The following DAB1 variants were observed in gnomAD, a reference collection of about 807,000 sequenced individuals.
The protein encoded by DAB1 is disabled homolog 1.
In DAB1, 15 loss-of-function variants were observed where a neutral mutation model predicts 64.6. The ratio of observed to expected loss-of-function variants is 0.23; its 90% confidence interval spans 0.16 to 0.36. The LOEUF (loss-of-function observed/expected upper bound fraction) is 0.36. Ranked by LOEUF, DAB1 falls within the 10% of genes least tolerant of loss-of-function variation. DAB1 has a pLI of 1.00. For missense variants in DAB1, 596 were observed against 706.7 expected, an observed-to-expected ratio of 0.84 and a Z score of 1.78; for synonymous variants, 235 against 251.9, an observed-to-expected ratio of 0.93 and a Z score of 0.64.
chr1:57,593,761 T>C (rs1286509345), intron 7 of DAB1, among the ~76,000 whole-genome samples: 1 of 152,224 alleles, frequency 6.6e-6, no homozygotes, highest in Non-Finnish European at 1.5e-5. Flanking sequence ...ACACTCTGCT[T>C]TACTTTACTT....
intron 3 of DAB1, among the ~76,000 whole-genome samples, chr1:58,473,474 G>A (rs562368886): frequency 4.2e-4 from 64 of 151,854 alleles, no homozygotes; most frequent in Non-Finnish European, 7.4e-4. Context: ...CCCGGGAAGC[G>A]GAGCTTGCAG....
chr1:58,300,646 G>GAAAGGAAGGAAGGAAGGA (rs1553173953), intron 4 of DAB1, among the ~76,000 whole-genome samples: 3 of 57,346 alleles, frequency 5.2e-5, no homozygotes, highest in Admixed American at 3.5e-4. Context: ...GAGAGAGAGA[G>GAAAGGAAGGAAGGAAGGA]AGGAAGGAAG....
At chr1:57,847,258 T>G (rs1408558408) in intron 1 of DAB1, among the ~76,000 whole-genome samples, 3 of 151,288 alleles carry the variant, frequency 2.0e-5, no homozygotes, top group Non-Finnish European at 2.9e-5. Flanking sequence ...AAACAGACAT[T>G]CAGCTTTTAA....
intron 6 of DAB1, among the ~76,000 whole-genome samples, chr1:57,656,631 A>C (rs1646322379): frequency 6.6e-6 from 1 of 152,224 alleles, no homozygotes; most frequent in Admixed American, 6.5e-5. Context: ...AAACCACAGA[A>C]ATAAGCTGTT....
chr1:57,408,373 A>T (rs1035820915), intron 1 of DAB1, among the ~76,000 whole-genome samples: 1 of 152,174 alleles, frequency 6.6e-6, no homozygotes, highest in African/African-American at 2.4e-5. Flanking sequence ...ACACCCCGTA[A>T]TGTAACTCAT....
chr1:57,619,777 G>A (rs911881148), intron 7 of DAB1, among the ~76,000 whole-genome samples: 8 of 152,080 alleles, frequency 5.3e-5, no homozygotes, highest in Non-Finnish European at 1.0e-4. Context: ...GGGCCAGCAG[G>A]GACAATCCTT....
chr1:58,270,261 C>A (rs889158788), intron 4 of DAB1, among the ~76,000 whole-genome samples: 4 of 132,936 alleles, frequency 3.0e-5, no homozygotes, highest in Non-Finnish European at 6.3e-5. Context: ...GTTTTCCCAG[C>A]ACCATTTATT....
At chr1:57,508,872 A>G (rs1031732942) in intron 7 of DAB1, among the ~76,000 whole-genome samples, 1 of 152,110 alleles carries the variant, frequency 6.6e-6, no homozygotes, top group Admixed American at 6.5e-5. Flanking sequence ...ATAAGCATAC[A>G]CATATATAAA....
chr1:57,692,992 C>T (rs902645808), intron 6 of DAB1, among the ~76,000 whole-genome samples: 3 of 151,734 alleles, frequency 2.0e-5, no homozygotes, highest in Admixed American at 6.6e-5. Flanking sequence ...CTTGCTATTA[C>T]TCACCTTTGG....
chr1:58,076,081 G>C (rs1649623181), intron 5 of DAB1, among the ~76,000 whole-genome samples: 1 of 152,106 alleles, frequency 6.6e-6, no homozygotes, highest in African/African-American at 2.4e-5. Flanking sequence ...AGGGATGAAA[G>C]AAAAGGAAAT....
At position 57,595,626 on chromosome 1, in the gene DAB1, T is replaced by TC. The variant is rs201677742; in HGVS notation, n.625+53965dup. ...CTTGTGATATGGTTCAGATCTGTGT[T>TC]CCCCCCCCACCCCCCAAATCCCATA... is the stretch of plus-strand genomic sequence containing the variant. On this transcript the variant is annotated intron_variant and non_coding_transcript_variant, in intron 7 of 20. Transcript: ENST00000485760. 4.9e-3 allele frequency among the ~76,000 whole-genome samples: 737 copies of TC among 151,088 alleles called. 1 individual carries two copies. The highest frequency in any genetic ancestry group is 6.8e-3 in the Middle Eastern group (2 of 292).
At chr1:58,451,716 A>C (rs1171068559) in intron 3 of DAB1, among the ~76,000 whole-genome samples, 5 of 152,232 alleles carry the variant, frequency 3.3e-5, no homozygotes, top group Non-Finnish European at 7.3e-5. Context: ...GGCTTTAGTA[A>C]ACATCAGGAT....
chr1:58,190,315 C>T (rs78893249), intron 4 of DAB1, among the ~76,000 whole-genome samples: 1,732 of 152,294 alleles, frequency 0.011, 35 homozygotes, highest in African/African-American at 0.04. Flanking sequence ...CTCTGAACTT[C>T]AAGGGGCTAC....
At chr1:57,711,908 T>C (rs1227036699) in intron 6 of DAB1, among the ~76,000 whole-genome samples, 2 of 152,204 alleles carry the variant, frequency 1.3e-5, no homozygotes, top group African/African-American at 2.4e-5. Context: ...GACTAACATG[T>C]TATTGGAAAT....
intron 1 of DAB1, among the ~76,000 whole-genome samples, chr1:58,532,677 G>A (rs1646453247): frequency 6.6e-6 from 1 of 152,052 alleles, no homozygotes. Context: ...ACAGGTGTGA[G>A]CCACCATGCT....
intron 1 of DAB1, among the ~76,000 whole-genome samples, chr1:57,297,521 A>AAT (rs144868781): frequency 0.043 from 6,598 of 151,892 alleles, 465 homozygotes; most frequent in African/African-American, 0.15. Flanking sequence ...TATATGTGTG[A>AAT]ATATATATAT....
chr1:58,062,094 C>G (rs1648536892), intron 5 of DAB1, among the ~76,000 whole-genome samples: 1 of 152,172 alleles, frequency 6.6e-6, no homozygotes, highest in Admixed American at 6.5e-5. Flanking sequence ...GAATAAGAAG[C>G]CATTTAATCC....
At chr1:58,002,684 G>A (rs1303434759) in intron 5 of DAB1, among the ~76,000 whole-genome samples, 2 of 152,132 alleles carry the variant, frequency 1.3e-5, no homozygotes, top group Non-Finnish European at 2.9e-5. Flanking sequence ...TATATATAGA[G>A]AGAGAGACAG....
At chr1:57,024,804 T>C (rs1428138075) in intron 10 of DAB1, among the ~76,000 whole-genome samples, 1 of 152,194 alleles carries the variant, frequency 6.6e-6, no homozygotes, top group Non-Finnish European at 1.5e-5. Context: ...GTTCTGCAAC[T>C]CCAAGTTCCC....
Sources: allele counts gnomAD v4.1 joint callset (sites outside exome capture counted in the v4.1 genomes callset), GRCh38; gene constraint gnomAD v4.1.1; transcripts MANE v1.5; gene names NCBI Gene and HGNC (gene_info 2026-07-23, HGNC 2026-07-21).